Variants in MAST4 observed in about 807,000 individuals in gnomAD.
MAST4 encodes the protein microtubule-associated serine/threonine-protein kinase 4.
A neutral mutation model predicts 162.7 loss-of-function variants in MAST4; 89 were observed. The ratio of observed to expected loss-of-function variants is 0.55; its 90% CI spans 0.46 to 0.65. The LOEUF is 0.65. Ranked by LOEUF, MAST4 falls within the 30% of genes least tolerant of loss-of-function variation. MAST4 has a pLI of 0.00. For missense variants in MAST4, 3,153 were observed against 3,374.0 expected, an observed-to-expected ratio of 0.93 and a Z score of 1.62; for synonymous variants, 1,479 against 1,361.1, an observed-to-expected ratio of 1.09 and a Z score of -1.91.
chr5:66,984,717 G>A (rs1749268611), intron 4 of MAST4, among the ~76,000 whole-genome samples: 1 of 151,732 alleles, frequency 6.6e-6, no homozygotes, highest in South Asian at 2.1e-4. Context: ...GTGTTCTGAG[G>A]GGGAAATGTG....
intron 3 of MAST4, among the ~76,000 whole-genome samples, chr5:66,868,196 G>A (rs1360194337): frequency 2.0e-5 from 3 of 152,116 alleles, no homozygotes; most frequent in Non-Finnish European, 2.9e-5. Flanking sequence ...TTTAGAGTTT[G>A]TACCTTTCTT....
At chr5:66,780,015 G>T (rs1318483698) in intron 2 of MAST4, among the ~76,000 whole-genome samples, 1 of 152,194 alleles carries the variant, frequency 6.6e-6, no homozygotes, top group Non-Finnish European at 1.5e-5. Flanking sequence ...CTTCTATAAG[G>T]TACAGTGGTA....
intron 3 of MAST4, among the ~76,000 whole-genome samples, chr5:66,863,201 A>C (rs975890073): frequency 6.6e-6 from 1 of 152,124 alleles, no homozygotes; most frequent in Non-Finnish European, 1.5e-5. Context: ...TATCTAGTTC[A>C]CCCCTTCAGC....
In MAST4 at chr5:66,900,890, A is replaced by C. The variant is rs183010232; in HGVS notation, c.674+908A>C. On this transcript the variant is annotated intron_variant, in intron 4 of 28. Coordinates refer to ENST00000403625, the MANE Select transcript of MAST4 (RefSeq NM_001164664.2). ...AGCTGTGAACATTTCATTACTGTCC[A>C]TTTTGCTTCCTGTCTTTTGTACAAG... 5.9e-4 allele frequency among the ~76,000 whole-genome samples: 90 copies of C among 152,202 alleles called. 2 individuals carry two copies. The highest frequency in any genetic ancestry group is 2.1e-3 in the African/African-American group (87 of 41,554).
chr5:67,091,209 T>C (rs1262948829), intron 6 of MAST4, among the ~76,000 whole-genome samples: 2 of 152,232 alleles, frequency 1.3e-5, no homozygotes, highest in African/African-American at 4.8e-5. Flanking sequence ...TGTCAGCATG[T>C]CATGCATTTT....
Position 67,145,272 on chromosome 5 carries a change from A to AC in MAST4, c.2992dup (p.His998ProfsTer2). ...GATGAAGCTGCCTCCTGCCCTGGAG[A>AC]CCCCCATGAGGAGCCAGGAAAGCCA... On this transcript the variant is annotated frameshift_variant, in exon 23 of 29. Coordinates refer to ENST00000403625, the MANE Select transcript of MAST4 (RefSeq NM_001164664.2). LOFTEE classifies it high-confidence loss of function. 1 of 1,613,670 alleles carries AC rather than the reference A, an allele frequency of 6.2e-7. No individual in the cohort carries two copies. Among genetic ancestry groups the AC allele is most frequent in the Non-Finnish European group, 8.5e-7 (1 of 1,179,816 alleles).
intron 4 of MAST4, among the ~76,000 whole-genome samples, chr5:67,039,291 A>G (rs1756427519): frequency 6.6e-6 from 1 of 152,194 alleles, no homozygotes; most frequent in African/African-American, 2.4e-5. Context: ...TGAATTATTC[A>G]CAATCCCTTT....
chr5:66,771,417 A>G (rs1580412314), intron 2 of MAST4, among the ~76,000 whole-genome samples: 1 of 152,012 alleles, frequency 6.6e-6, no homozygotes, highest in African/African-American at 2.4e-5. Flanking sequence ...TGATCTCCTG[A>G]CCTCGTGATC....
chr5:66,622,168 A>G (rs551050306), intron 1 of MAST4, among the ~76,000 whole-genome samples: 58 of 152,220 alleles, frequency 3.8e-4, no homozygotes, highest in African/African-American at 1.3e-3. Flanking sequence ...ATGGTCGAGG[A>G]AGATGTTTCC....
In MAST4 at chr5:66,744,942, A is replaced by C. The variant is rs1180031824; in HGVS notation, c.364-14767A>C. ...GATGCATGTTATTGAACAGGTCAAC[A>C]ATTGATTGTTTTCCTTTATAGTTCT... On this transcript the variant is annotated intron_variant, in intron 1 of 28. Transcript: ENST00000403625. 2.6e-5 allele frequency among the ~76,000 whole-genome samples: 4 copies of C among 152,172 alleles called. No homozygotes were observed. The East Asian group carries it at 7.7e-4, about 29-fold the overall frequency.
intron 3 of MAST4, among the ~76,000 whole-genome samples, chr5:66,797,015 G>C (rs1337896868): frequency 6.6e-6 from 1 of 152,122 alleles, no homozygotes; most frequent in East Asian, 1.9e-4. Flanking sequence ...ACTGGTTTCC[G>C]TGTCTGAGGA....
chr5:67,071,706 G>T (rs1234259287), intron 5 of MAST4, among the ~76,000 whole-genome samples: 2 of 152,216 alleles, frequency 1.3e-5, no homozygotes, highest in Non-Finnish European at 2.9e-5. Context: ...GTTACAGTGA[G>T]CCGAGATCGT....
At chr5:67,070,893 G>A (rs983294019) in intron 5 of MAST4, among the ~76,000 whole-genome samples, 1 of 151,994 alleles carries the variant, frequency 6.6e-6, no homozygotes, top group Non-Finnish European at 1.5e-5. Context: ...ACCCAACCCC[G>A]CACCACAAAG....
chr5:67,147,286 G>A (rs1771217254), intron 23 of MAST4, among the ~76,000 whole-genome samples: 1 of 152,180 alleles, frequency 6.6e-6, no homozygotes, highest in African/African-American at 2.4e-5. Flanking sequence ...TGAAAACCGT[G>A]ACTGTAGTAA....
chr5:66,680,317 A>C (rs1748245600), intron 1 of MAST4, among the ~76,000 whole-genome samples: 1 of 152,184 alleles, frequency 6.6e-6, no homozygotes, highest in Non-Finnish European at 1.5e-5. Context: ...GTCTTAGAAG[A>C]AAATAAGGGA....
chr5:66,982,329 A>G lies in MAST4; in HGVS notation c.675-72075A>G, dbSNP rs192134878. On this transcript the variant is annotated intron_variant, in intron 4 of 28. Coordinates refer to ENST00000403625, the MANE Select transcript of MAST4 (RefSeq NM_001164664.2). ...CTTAGGGAGACTAAAGTCGATTCTAATAACAATTTGGTAAAGTGTCTCACT... is the reference window on the plus strand; with the variant it reads ...CTTAGGGAGACTAAAGTCGATTCTAGTAACAATTTGGTAAAGTGTCTCACT... Among the ~76,000 whole-genome samples, 6 of 152,370 alleles carry G rather than the reference A, an allele frequency of 3.9e-5. No individual in the cohort carries two copies. In the East Asian group the frequency reaches 9.6e-4, roughly 24 times the overall value.
intron 1 of MAST4, among the ~76,000 whole-genome samples, chr5:66,732,370 C>T (rs1751907521): frequency 6.6e-6 from 1 of 152,122 alleles, no homozygotes; most frequent in South Asian, 2.1e-4. Context: ...TTTCAGGCTT[C>T]CCCAGTTTGC....
At chr5:66,890,985 T>C (rs1286619778) in intron 3 of MAST4, among the ~76,000 whole-genome samples, 1 of 152,242 alleles carries the variant, frequency 6.6e-6, no homozygotes, top group African/African-American at 2.4e-5. Flanking sequence ...CAGTTCCCAC[T>C]ATTTGTGTAA....
Position 66,899,897 on chromosome 5 carries a change from G to C in MAST4, c.643-54G>C, listed in dbSNP as rs372613004. The stretch of plus-strand genomic sequence containing the variant: ...TCTACGTTATCCATTTGGTATCCTA[G>C]TAATCTAAGGTTAATGCAGCATTGC... On this transcript the variant is annotated intron_variant, in intron 3 of 28. Coordinates refer to ENST00000403625, the MANE Select transcript of MAST4 (RefSeq NM_001164664.2). 136 of 1,379,726 alleles carry C rather than the reference G, an allele frequency of 9.9e-5. No homozygotes were observed. The African/African-American group carries it at 1.9e-3, about 19-fold the overall frequency. 85.5% of individuals were successfully genotyped at this position (1,379,726 alleles called of 1,614,324 possible).
Sources: allele counts gnomAD v4.1 joint callset (sites outside exome capture counted in the v4.1 genomes callset), GRCh38; gene constraint gnomAD v4.1.1; transcripts MANE v1.5; gene names NCBI Gene and HGNC (gene_info 2026-07-23, HGNC 2026-07-21).